OTUD7A: variants seen among roughly 807,000 people sequenced by gnomAD.
OTUD7A encodes the protein OTU deubiquitinase 7A.
A neutral mutation model predicts 65.7 loss-of-function variants in OTUD7A; 12 were observed. The observed-to-expected ratio is 0.18, with a 90% CI of 0.12 to 0.30. OTUD7A has a LOEUF of 0.30. OTUD7A is among the 10% of genes least tolerant of loss of function. The probability of loss-of-function intolerance (pLI) is 1.00; values close to 1 mark genes in which losing one functional copy is unlikely to be tolerated. For synonymous variants in OTUD7A, 641 were observed against 586.3 expected (o/e 1.09, Z -1.35); for missense variants, 1,148 against 1,304.8 (o/e 0.88, Z 1.85).
At chr15:31,867,489 A>G (rs2141023725) in intron 1 of OTUD7A, among the ~76,000 whole-genome samples, 1 of 152,278 alleles carries the variant, frequency 6.6e-6, no homozygotes, top group East Asian at 1.9e-4. Flanking sequence ...TCCGCCACCT[A>G]TAATTCAGTG....
chr15:31,681,089 CACCT>C (rs972884755), intron 1 of OTUD7A, among the ~76,000 whole-genome samples: 10 of 150,708 alleles, frequency 6.6e-5, no homozygotes, highest in South Asian at 6.2e-4. Context: ...TTGTTCCACC[CACCT>C]ACCTACCTAC....
At chr15:31,506,947 G>A (rs1459045371) in intron 8 of OTUD7A, among the ~76,000 whole-genome samples, 2 of 152,106 alleles carry the variant, frequency 1.3e-5, no homozygotes, top group African/African-American at 4.8e-5. Flanking sequence ...GGATAATTTG[G>A]GCCTCTGGAG....
chr15:31,490,522 C>T (rs2041304589), intron 10 of OTUD7A, among the ~76,000 whole-genome samples: 1 of 152,184 alleles, frequency 6.6e-6, no homozygotes, highest in African/African-American at 2.4e-5. Context: ...GCTGAAGTCA[C>T]AGGGAAACCG....
At chr15:31,563,456 C>T (rs1185850624) in intron 4 of OTUD7A, among the ~76,000 whole-genome samples, 3 of 152,212 alleles carry the variant, frequency 2.0e-5, no homozygotes, top group Admixed American at 1.3e-4. Flanking sequence ...CCTGTCCTCA[C>T]ACACACCTAG....
intron 1 of OTUD7A, among the ~76,000 whole-genome samples, chr15:31,661,326 T>G (rs1892159381): frequency 6.6e-6 from 1 of 152,196 alleles, no homozygotes; most frequent in Non-Finnish European, 1.5e-5. Context: ...TAATACGAGT[T>G]AAACAGTAGT....
chr15:31,559,969 G>T (rs1403487419), intron 4 of OTUD7A, among the ~76,000 whole-genome samples: 1 of 152,192 alleles, frequency 6.6e-6, no homozygotes, highest in Admixed American at 6.5e-5. Context: ...TTATTCACAA[G>T]AGTCATGAAA....
intron 3 of OTUD7A, among the ~76,000 whole-genome samples, chr15:31,634,584 C>T (rs1315053145): frequency 1.3e-5 from 2 of 152,214 alleles, no homozygotes; most frequent in Admixed American, 6.5e-5. Flanking sequence ...TGCTCATGGC[C>T]GGAGTTCCCT....
chr15:31,538,299 T>A (rs1347834819), intron 5 of OTUD7A, among the ~76,000 whole-genome samples: 1 of 152,158 alleles, frequency 6.6e-6, no homozygotes, highest in African/African-American at 2.4e-5. Context: ...GGGTCCTCCA[T>A]AACACTGTGC....
intron 1 of OTUD7A, among the ~76,000 whole-genome samples, chr15:31,812,570 C>T (rs1219912979): frequency 6.6e-6 from 1 of 152,086 alleles, no homozygotes; most frequent in African/African-American, 2.4e-5. Context: ...GGTGCTTGAA[C>T]GAATTCCAGA....
At chr15:31,580,438 C>CTGGTTGCATAGCA (rs1889338721) in intron 3 of OTUD7A, among the ~76,000 whole-genome samples, 2 of 152,158 alleles carry the variant, frequency 1.3e-5, no homozygotes, top group African/African-American at 4.8e-5. Context: ...AAAAATTACT[C>CTGGTTGCATAGCA]TGGTTGCATA....
intron 4 of OTUD7A, 29 bp from the exon 5 acceptor site, chr15:31,559,216 A>G: frequency 3.8e-6 from 6 of 1,599,452 alleles, no homozygotes; most frequent in Non-Finnish European, 5.1e-6. Flanking sequence ...AGATAGCCCC[A>G]AGGGCTGAGT....
Position 31,786,248 on chromosome 15 carries a change from C to A in OTUD7A, c.-100+84259G>T, listed in dbSNP as rs1335928309. The stretch of plus-strand genomic sequence containing the variant: ...TATAAACTACCTACTTTCATGTATC[C>A]TAGGCAACAGAAAACAAACTAATAC... On this transcript the variant is annotated intron_variant, in intron 1 of 12. Coordinates refer to ENST00000307050, the MANE Select transcript of OTUD7A (RefSeq NM_001382637.1). Among the ~76,000 whole-genome samples, 3 of 152,238 alleles carry A rather than the reference C, an allele frequency of 2.0e-5. No individual in the cohort carries two copies. In the South Asian group the frequency reaches 6.2e-4, roughly 32 times the overall value.
At chr15:31,716,322 T>C (rs1211937055) in intron 1 of OTUD7A, among the ~76,000 whole-genome samples, 1 of 99,622 alleles carries the variant, frequency 1.0e-5, no homozygotes, top group Non-Finnish European at 2.2e-5. Context: ...GATTAATATA[T>C]TACATATGGA....
intron 8 of OTUD7A, among the ~76,000 whole-genome samples, chr15:31,516,792 C>G (rs1219709618): frequency 6.6e-6 from 1 of 152,236 alleles, no homozygotes; most frequent in Non-Finnish European, 1.5e-5. Flanking sequence ...AGTTGGATCT[C>G]TCTGCCTGAA....
chr15:31,593,430 G>A (rs908327263), intron 3 of OTUD7A, among the ~76,000 whole-genome samples: 1 of 152,198 alleles, frequency 6.6e-6, no homozygotes, highest in African/African-American at 2.4e-5. Context: ...CCAGTGGGCA[G>A]TGGATGCTGG....
intron 1 of OTUD7A, among the ~76,000 whole-genome samples, chr15:31,810,720 T>C (rs995903235): frequency 2.6e-5 from 4 of 152,224 alleles, no homozygotes; most frequent in African/African-American, 9.6e-5. Context: ...CAGTGGCCTC[T>C]ATGTCTGCTG....
chr15:31,488,320 C>T (rs2041268696), intron 10 of OTUD7A, among the ~76,000 whole-genome samples: 1 of 152,102 alleles, frequency 6.6e-6, no homozygotes, highest in South Asian at 2.1e-4. Flanking sequence ...GTGAAACTCA[C>T]CACCCGTGGG....
At chr15:31,774,327 G>A (rs539535512) in intron 1 of OTUD7A, among the ~76,000 whole-genome samples, 47 of 152,396 alleles carry the variant, frequency 3.1e-4, no homozygotes, top group African/African-American at 8.2e-4. Flanking sequence ...CGATCACCCT[G>A]TGCCTTGCAC....
At chr15:31,532,542 A>AC (rs1887661512) in intron 5 of OTUD7A, among the ~76,000 whole-genome samples, 1 of 152,004 alleles carries the variant, frequency 6.6e-6, no homozygotes, top group South Asian at 2.1e-4. Flanking sequence ...TTAAAAAAAA[A>AC]AACACATATA....
Sources: allele counts gnomAD v4.1 joint callset (sites outside exome capture counted in the v4.1 genomes callset), GRCh38; gene constraint gnomAD v4.1.1; transcripts MANE v1.5; gene names NCBI Gene and HGNC (gene_info 2026-07-23, HGNC 2026-07-21).